The following FAM78B variants were observed in gnomAD, a reference collection of about 807,000 sequenced individuals.
The protein encoded by FAM78B is family with sequence similarity 78 member B.
FAM78B carries 10 observed loss-of-function variants against 20.0 expected under a neutral mutation model. The ratio of observed to expected loss-of-function variants is 0.50; its 90% CI spans 0.31 to 0.85. The LOEUF (loss-of-function observed/expected upper bound fraction) is 0.85. Ranked by LOEUF, FAM78B falls within the 40% of genes least tolerant of loss-of-function variation. The pLI, the probability that FAM78B is intolerant of heterozygous loss-of-function variation, is 0.05. For synonymous variants in FAM78B, 135 were observed against 132.8 expected (o/e 1.02, Z -0.12); for missense variants, 283 against 345.0 (o/e 0.82, Z 1.42).
intron 1 of FAM78B, among the ~76,000 whole-genome samples, chr1:166,144,209 T>TTG (rs147304263): frequency 2.2e-4 from 33 of 152,040 alleles, no homozygotes; most frequent in East Asian, 9.7e-4. Flanking sequence ...TGTCAGTCTG[T>TTG]TGTGTGTGTG....
intron 1 of FAM78B, among the ~76,000 whole-genome samples, chr1:166,136,164 G>A (rs1478244957): frequency 6.6e-6 from 1 of 152,242 alleles, no homozygotes; most frequent in Non-Finnish European, 1.5e-5. Context: ...GACCAGCTGG[G>A]AACTAGCAAA....
At chr1:166,119,006 C>A (rs1654366772) in intron 1 of FAM78B, among the ~76,000 whole-genome samples, 2 of 152,118 alleles carry the variant, frequency 1.3e-5, no homozygotes, top group African/African-American at 4.8e-5. Context: ...GGCCACAGGA[C>A]AGGCCTCACA....
intron 1 of FAM78B, among the ~76,000 whole-genome samples, chr1:166,086,915 A>C (rs184516364): frequency 6.6e-6 from 1 of 152,236 alleles, no homozygotes; most frequent in East Asian, 1.9e-4. Context: ...GGGATGCCTA[A>C]ATGTTCCCCC....
chr1:166,091,253 T>G (rs1198984469), intron 1 of FAM78B, among the ~76,000 whole-genome samples: 4 of 151,896 alleles, frequency 2.6e-5, no homozygotes, highest in Non-Finnish European at 5.9e-5. Context: ...TCTGGTTGGG[T>G]TGGTGCAAGA....
chr1:166,109,832 G>A (rs6426966), intron 1 of FAM78B, among the ~76,000 whole-genome samples: 12,433 of 26,578 alleles, frequency 0.47, 3,743 homozygotes, highest in African/African-American at 0.5. Flanking sequence ...ATATATATAT[G>A]TATATATGTA....
At chr1:166,087,254 G>T (rs574219298) in intron 1 of FAM78B, 1 of 152,030 alleles carries the variant, frequency 6.6e-6, no homozygotes, top group South Asian at 2.1e-4. Context: ...TGATAGAGAC[G>T]GGGTTTCACC....
At chr1:166,090,144 G>T (rs1418854887) in intron 1 of FAM78B, among the ~76,000 whole-genome samples, 2 of 152,194 alleles carry the variant, frequency 1.3e-5, no homozygotes, top group African/African-American at 4.8e-5. Flanking sequence ...TCCTCCCAGA[G>T]CCCTGTAATC....
chr1:166,108,327 A>G (rs952784526), intron 1 of FAM78B, among the ~76,000 whole-genome samples: 2 of 152,240 alleles, frequency 1.3e-5, no homozygotes, highest in East Asian at 3.8e-4. Flanking sequence ...TACACCAATC[A>G]GTAGCTCTTC....
chr1:166,119,526 C>T (rs1654388511), intron 1 of FAM78B, among the ~76,000 whole-genome samples: 2 of 152,228 alleles, frequency 1.3e-5, no homozygotes, highest in African/African-American at 4.8e-5. Context: ...AAGAATCAAT[C>T]AGCCCATTAG....
At position 166,151,886 on chromosome 1, in the gene FAM78B, G is replaced by A. The variant is rs992136623; in HGVS notation, c.263+14100C>T. Reference sequence around the variant, plus strand: ...TTCAACTTTGACGGCCCAGTAGAAGGAATGAGCCCATTAGCACTAAATCCA... The same window carrying A: ...TTCAACTTTGACGGCCCAGTAGAAGAAATGAGCCCATTAGCACTAAATCCA... On this transcript the variant is annotated intron_variant, in intron 1 of 1. Transcript: ENST00000354422. 2.0e-5 allele frequency among the ~76,000 whole-genome samples: 3 copies of A among 152,144 alleles called. No homozygotes were observed. The East Asian group carries it at 5.8e-4, about 29-fold the overall frequency.
chr1:166,154,831 C>G (rs762489382), intron 1 of FAM78B: 4 of 473,860 alleles, frequency 8.4e-6, no homozygotes, highest in South Asian at 4.6e-5. Flanking sequence ...CTTCAGCGTC[C>G]CCATCTGTAA....
chr1:166,066,614 G>A (rs1302630781), downstream of FAM78B, among the ~76,000 whole-genome samples: 1 of 152,114 alleles, frequency 6.6e-6, no homozygotes, highest in Non-Finnish European at 1.5e-5. Context: ...CTGAAAATGG[G>A]AATAATACTA....
chr1:166,144,038 C>A (rs371510198), intron 1 of FAM78B, among the ~76,000 whole-genome samples: 1 of 152,062 alleles, frequency 6.6e-6, no homozygotes, highest in Non-Finnish European at 1.5e-5. Flanking sequence ...TTTATTAAGG[C>A]GTAAGTAATG....
At chr1:166,138,395 C>G (rs1279744343) in intron 1 of FAM78B, among the ~76,000 whole-genome samples, 1 of 152,108 alleles carries the variant, frequency 6.6e-6, no homozygotes, top group Non-Finnish European at 1.5e-5. Context: ...AACCCCTCCA[C>G]CCAGACCCCC....
At chr1:166,114,388 GAATT>G (rs1456527746) in intron 1 of FAM78B, among the ~76,000 whole-genome samples, 4 of 152,182 alleles carry the variant, frequency 2.6e-5, no homozygotes, top group Non-Finnish European at 4.4e-5. Context: ...AAATTTTTCA[GAATT>G]AATTTTGATC....
At chr1:166,144,267 T>C (rs1655379478) in intron 1 of FAM78B, among the ~76,000 whole-genome samples, 1 of 151,976 alleles carries the variant, frequency 6.6e-6, no homozygotes, top group African/African-American at 2.4e-5. Context: ...TGGGGAGAGC[T>C]GTGAGTAAGG....
chr1:166,150,830 G>A (rs1360600923), intron 1 of FAM78B, among the ~76,000 whole-genome samples: 2 of 152,310 alleles, frequency 1.3e-5, no homozygotes, highest in East Asian at 3.9e-4. Flanking sequence ...GCTCATGCCT[G>A]TAATGCCAGC....
At position 166,070,424 on chromosome 1, in the gene FAM78B, A is replaced by G. The variant is rs1651980471; in HGVS notation, c.603T>C (p.Pro201=). ...GGGCCCGCTGCCCCAAGAGCTGAAG[A>G]GGGTCCACTTCAATGTCCACCCTCA... is the stretch of plus-strand genomic sequence containing the variant. ...WRMRVDIEVD[P]LQLLGQRARL... The change falls in exon 2 of 2, where the codon CCT becomes CCC. Residue 201 remains proline (P), a synonymous_variant. Transcript: ENST00000354422. 5 of 1,614,196 alleles carry G rather than the reference A, an allele frequency of 3.1e-6. No individual in the cohort carries two copies. Among genetic ancestry groups the G allele is most frequent in the Non-Finnish European group, 1.7e-6 (2 of 1,180,030 alleles).
intron 1 of FAM78B, among the ~76,000 whole-genome samples, chr1:166,071,848 G>A (rs956779510): frequency 7.2e-5 from 11 of 152,112 alleles, no homozygotes; most frequent in Non-Finnish European, 1.0e-4. Context: ...GCGCTGGAGG[G>A]AGTTAGAATG....
Sources: allele counts gnomAD v4.1 joint callset (sites outside exome capture counted in the v4.1 genomes callset), GRCh38; gene constraint gnomAD v4.1.1; transcripts MANE v1.5; gene names NCBI Gene and HGNC (gene_info 2026-07-23, HGNC 2026-07-21).